SUGCT: variants seen among roughly 807,000 people sequenced by gnomAD.
SUGCT encodes the protein succinyl-CoA:glutarate-CoA transferase.
SUGCT carries 41 observed loss-of-function variants against 55.0 expected under a neutral mutation model. That is an observed-to-expected ratio of 0.74 (90% CI 0.58 to 0.97). The LOEUF is 0.97. SUGCT is among the 50% of genes least tolerant of loss of function. The pLI, the probability that SUGCT is intolerant of heterozygous loss-of-function variation, is 0.00. For missense variants in SUGCT, 568 were observed against 547.8 expected (o/e 1.04, Z -0.37); for synonymous variants, 187 against 200.4 (o/e 0.93, Z 0.56).
chr7:40,904,292 AG>A, the SUGCT span, among the ~76,000 whole-genome samples: 1 of 152,202 alleles, frequency 6.6e-6, no homozygotes, highest in Non-Finnish European at 1.5e-5. Context: ...GGGCAAATAA[AG>A]GGGCTTTGTG....
chr7:40,453,834 G>A (rs903883104), intron 10 of SUGCT, among the ~76,000 whole-genome samples: 2 of 152,186 alleles, frequency 1.3e-5, no homozygotes, highest in African/African-American at 2.4e-5. Flanking sequence ...ATGCCAACGC[G>A]AAGATGACAC....
chr7:40,217,878 A>G (rs115274457), intron 6 of SUGCT, among the ~76,000 whole-genome samples: 2,657 of 152,224 alleles, frequency 0.017, 74 homozygotes, highest in African/African-American at 0.062. Context: ...TTGGTCATCC[A>G]TGGTTGGGGA....
chr7:40,901,850 G>T, the SUGCT span, among the ~76,000 whole-genome samples: 1 of 152,188 alleles, frequency 6.6e-6, no homozygotes, highest in African/African-American at 2.4e-5. Context: ...AAGATTCCAG[G>T]AACTCAGAAT....
At chr7:40,945,797 C>T in the SUGCT span, among the ~76,000 whole-genome samples, 3 of 152,268 alleles carry the variant, frequency 2.0e-5, no homozygotes, top group East Asian at 5.8e-4. Flanking sequence ...ACTGTGAATG[C>T]TGCTGCTCCT....
At chr7:40,555,894 C>T (rs1795536051) in intron 12 of SUGCT, among the ~76,000 whole-genome samples, 1 of 151,972 alleles carries the variant, frequency 6.6e-6, no homozygotes, top group Non-Finnish European at 1.5e-5. Context: ...GTTTTTGTGA[C>T]TCCTTTAACC....
intron 9 of SUGCT, among the ~76,000 whole-genome samples, chr7:40,446,605 G>C (rs535536781): frequency 1.3e-5 from 2 of 152,258 alleles, no homozygotes; most frequent in South Asian, 4.2e-4. Context: ...AATGTAAATA[G>C]AATAAAACCT....
intron 9 of SUGCT, among the ~76,000 whole-genome samples, chr7:40,376,329 C>A (rs1784542062): frequency 6.6e-6 from 1 of 151,840 alleles, no homozygotes; most frequent in Admixed American, 6.6e-5. Flanking sequence ...ATTATTTCAA[C>A]CGTTGTGATC....
chr7:40,621,539 T>C (rs1799264419), intron 12 of SUGCT, among the ~76,000 whole-genome samples: 1 of 152,152 alleles, frequency 6.6e-6, no homozygotes, highest in East Asian at 1.9e-4. Flanking sequence ...CAGAGTAGGC[T>C]GGTGTCGGCC....
chr7:40,832,829 T>C (rs6949092), intron 13 of SUGCT, among the ~76,000 whole-genome samples: 32,312 of 151,784 alleles, frequency 0.21, 3,818 homozygotes, highest in East Asian at 0.51. Context: ...CACCCGCTAC[T>C]ATGCCCGGCT....
At chr7:40,332,448 T>C (rs978000240) in intron 9 of SUGCT, among the ~76,000 whole-genome samples, 10 of 140,292 alleles carry the variant, frequency 7.1e-5, no homozygotes, top group Non-Finnish European at 1.5e-4. Context: ...ATTGGATTTT[T>C]TTTTTTGTTT....
chr7:40,798,012 A>G (rs916362115), intron 13 of SUGCT, among the ~76,000 whole-genome samples: 4 of 152,194 alleles, frequency 2.6e-5, no homozygotes, highest in South Asian at 2.1e-4. Flanking sequence ...TCAAACGTGC[A>G]TCCCCTTATA....
the SUGCT span, among the ~76,000 whole-genome samples, chr7:40,969,975 C>T: frequency 1.3e-5 from 2 of 152,146 alleles, no homozygotes; most frequent in Non-Finnish European, 2.9e-5. Context: ...GGGGAGACTG[C>T]CCTGTGTCCA....
At chr7:41,012,377 G>T in the SUGCT span, among the ~76,000 whole-genome samples, 1 of 152,216 alleles carries the variant, frequency 6.6e-6, no homozygotes, top group Non-Finnish European at 1.5e-5. Flanking sequence ...TGGTGGGTCT[G>T]AGTTTCAACC....
intron 9 of SUGCT, among the ~76,000 whole-genome samples, chr7:40,390,707 C>T (rs1469258513): frequency 3.3e-5 from 5 of 152,218 alleles, no homozygotes; most frequent in African/African-American, 2.4e-5. Context: ...GGCGATACTG[C>T]CCAAGGTAAT....
At chr7:40,646,586 G>T (rs914512953) in intron 12 of SUGCT, among the ~76,000 whole-genome samples, 38 of 151,982 alleles carry the variant, frequency 2.5e-4, no homozygotes, top group African/African-American at 8.7e-4. Flanking sequence ...TCCTGTTCAG[G>T]ACCTTCACGC....
At chr7:40,363,744 A>G (rs924055689) in intron 9 of SUGCT, among the ~76,000 whole-genome samples, 4 of 152,148 alleles carry the variant, frequency 2.6e-5, no homozygotes, top group South Asian at 4.2e-4. Flanking sequence ...TATGTGGTCA[A>G]TTTTGGAATA....
At chr7:40,676,911 G>A (rs1784016239) in intron 12 of SUGCT, among the ~76,000 whole-genome samples, 2 of 151,682 alleles carry the variant, frequency 1.3e-5, no homozygotes, top group African/African-American at 4.8e-5. Context: ...GTGTGTGTGT[G>A]TGTGTGTGTG....
At chr7:41,004,187 A>C in the SUGCT span, among the ~76,000 whole-genome samples, 3 of 152,198 alleles carry the variant, frequency 2.0e-5, no homozygotes, top group Non-Finnish European at 4.4e-5. Flanking sequence ...TAAATGTCTC[A>C]TTAGGCCTTC....
At chr7:40,214,863 G>A (rs903091038) in intron 6 of SUGCT, among the ~76,000 whole-genome samples, 2 of 151,348 alleles carry the variant, frequency 1.3e-5, no homozygotes, top group Non-Finnish European at 2.9e-5. Flanking sequence ...GCAGTGAGCC[G>A]AGACCACGCC....
Sources: allele counts gnomAD v4.1 joint callset (sites outside exome capture counted in the v4.1 genomes callset), GRCh38; gene constraint gnomAD v4.1.1; transcripts MANE v1.5; gene names NCBI Gene and HGNC (gene_info 2026-07-23, HGNC 2026-07-21).